ANKS1A: variants seen among roughly 807,000 people sequenced by gnomAD.
The protein encoded by ANKS1A is ankyrin repeat and sterile alpha motif domain containing 1A, also known as ankyrin repeat and SAM domain-containing protein 1A.
In ANKS1A, 55 loss-of-function variants were observed where a neutral mutation model predicts 120.3. The observed-to-expected ratio is 0.46, with a 90% CI of 0.37 to 0.57. The LOEUF (loss-of-function observed/expected upper bound fraction) is 0.57. ANKS1A is among the 20% of genes least tolerant of loss of function. The pLI, the probability that ANKS1A is intolerant of heterozygous loss-of-function variation, is 0.00. For synonymous variants in ANKS1A, 590 were observed against 604.7 expected, an observed-to-expected ratio of 0.98 and a Z score of 0.36; for missense variants, 1,123 against 1,480.3, an observed-to-expected ratio of 0.76 and a Z score of 3.96.
intron 1 of ANKS1A, among the ~76,000 whole-genome samples, chr6:34,914,710 T>A (rs770129215): frequency 6.6e-6 from 1 of 152,206 alleles, no homozygotes; most frequent in African/African-American, 2.4e-5. Flanking sequence ...CTTCCTGTGT[T>A]ATTGATTCTT....
At chr6:35,064,885 CAGG>C (rs1169187441) in intron 13 of ANKS1A, among the ~76,000 whole-genome samples, 1 of 151,792 alleles carries the variant, frequency 6.6e-6, no homozygotes, top group African/African-American at 2.4e-5. Context: ...GAGCCTTAAA[CAGG>C]AGGATCAGTG....
intron 1 of ANKS1A, among the ~76,000 whole-genome samples, chr6:34,909,672 G>C (rs1767814138): frequency 1.3e-5 from 2 of 152,182 alleles, no homozygotes; most frequent in Admixed American, 6.5e-5. Flanking sequence ...CTTCTGATGG[G>C]GGAGATAGAG....
chr6:35,000,204 G>A (rs184895293), intron 10 of ANKS1A, among the ~76,000 whole-genome samples: 266 of 150,666 alleles, frequency 1.8e-3, no homozygotes, highest in African/African-American at 6.2e-3. Flanking sequence ...GTAACCCGCA[G>A]ATGGCCCAGA....
Position 34,982,493 on chromosome 6 carries a change from C to T in ANKS1A, c.733-259C>T, listed in dbSNP as rs539050475. ...CACCCAGGAAGGTGGAGTTCTGAGG[C>T]ATTTCACCAGTAGATGGCTCTAAGA... On this transcript the variant is annotated intron_variant, in intron 4 of 23. Transcript: ENST00000360359. This position sits in a 1 kb window ranked among gnomAD's most constrained non-coding sequence, Gnocchi z 4.9. Among the ~76,000 whole-genome samples, 2 of 152,314 alleles carry T rather than the reference C, an allele frequency of 1.3e-5. No homozygotes were observed. The highest frequency in any genetic ancestry group is 2.1e-4 in the South Asian group (1 of 4,826).
Position 35,076,817 on chromosome 6 carries a change from G to C in ANKS1A, c.2185-1741G>C, listed in dbSNP as rs192185951. Among the ~76,000 whole-genome samples, 453 of 152,150 alleles carry C rather than the reference G, an allele frequency of 3.0e-3. 1 individual carries two copies. The highest frequency in any genetic ancestry group is 9.8e-3 in the African/African-American group (408 of 41,514). On this transcript the variant is annotated intron_variant, in intron 13 of 23. Coordinates refer to ENST00000360359, the MANE Select transcript of ANKS1A (RefSeq NM_015245.3). ...GCTAATTTTTTGTATTTTTAGTAGAGACAGGTTTCACAATGCTGGCCAGGC... is the reference window on the plus strand; with the variant it reads ...GCTAATTTTTTGTATTTTTAGTAGACACAGGTTTCACAATGCTGGCCAGGC...
rs76701022 is a variant in ANKS1A, at chr6:34,926,040, G to A, written c.197+36441G>A. ...TTAGGAAGTAAAACTAGAGGAGGCT[G>A]TAAAAGGCTCAGGTCTTGTTATATG... On this transcript the variant is annotated intron_variant, in intron 1 of 23. Coordinates refer to ENST00000360359, the MANE Select transcript of ANKS1A (RefSeq NM_015245.3). 1.8e-3 allele frequency among the ~76,000 whole-genome samples: 269 copies of A among 152,326 alleles called. 10 individuals carry two copies. The East Asian group carries it at 0.043, about 24-fold the overall frequency.
chr6:34,938,885 G>A (rs181872073), intron 1 of ANKS1A, among the ~76,000 whole-genome samples: 4 of 152,316 alleles, frequency 2.6e-5, no homozygotes, highest in Admixed American at 6.5e-5. Context: ...CTACGCGGAC[G>A]GCTGAGGCAG....
chr6:35,061,890 C>G (rs868223446), intron 13 of ANKS1A, among the ~76,000 whole-genome samples: 2 of 152,188 alleles, frequency 1.3e-5, no homozygotes, highest in Non-Finnish European at 2.9e-5. Context: ...TCTCAACTCA[C>G]CCCTTCCTCA....
At chr6:35,059,248 C>T (rs1776358072) in intron 12 of ANKS1A, among the ~76,000 whole-genome samples, 2 of 152,246 alleles carry the variant, frequency 1.3e-5, no homozygotes, top group Admixed American at 1.3e-4. Context: ...CAGGAGACGC[C>T]CTGCTTGCCA....
chr6:35,070,803 C>G, intron 13 of ANKS1A: 1 of 470,914 alleles, frequency 2.1e-6, no homozygotes, highest in Non-Finnish European at 4.0e-6. Context: ...TTATCTTAAC[C>G]CAGACACCCC....
Position 35,017,692 on chromosome 6 carries a change from G to A in ANKS1A, c.1643G>A (p.Gly548Asp). The A allele has an allele frequency of 6.2e-7, 1 of 1,614,028 alleles. No individual in the cohort carries two copies. Among genetic ancestry groups the A allele is most frequent in the South Asian group, 1.1e-5 (1 of 91,088 alleles). ...GCCAGCATGCAGCTGGAGGAGACGG[G>A]TGTGCATGCTCCTGGAGCCTCCCAG... is the stretch of plus-strand genomic sequence containing the variant. ...HKASMQLEET[G>D]VHAPGASQPS... Residue 548 changes from glycine (G) to aspartate (D), a missense_variant, in exon 11 of 24, where the codon GGT becomes GAT. Physicochemically the swap from Gly to Asp is moderately conservative, Grantham distance 94 (BLOSUM62 -1). Coordinates refer to ENST00000360359, the MANE Select transcript of ANKS1A (RefSeq NM_015245.3).
chr6:35,028,833 G>A (rs1774758202), intron 11 of ANKS1A, among the ~76,000 whole-genome samples: 2 of 152,046 alleles, frequency 1.3e-5, no homozygotes, highest in South Asian at 2.1e-4. Flanking sequence ...GTTTCTTGTA[G>A]GTGGACATTC....
intron 11 of ANKS1A, among the ~76,000 whole-genome samples, chr6:35,036,606 G>T (rs1401368725): frequency 6.6e-6 from 1 of 151,864 alleles, no homozygotes; most frequent in Non-Finnish European, 1.5e-5. Context: ...ACTTTTTTTT[G>T]GTTTAAACTG....
intron 11 of ANKS1A, chr6:35,038,366 C>T: frequency 6.6e-6 from 3 of 454,874 alleles, no homozygotes; most frequent in South Asian, 3.1e-5. Flanking sequence ...GACCGGTCCA[C>T]GATGAAAGGA....
chr6:34,950,222 CTT>C (rs747865614), intron 1 of ANKS1A, among the ~76,000 whole-genome samples: 33 of 97,530 alleles, frequency 3.4e-4, no homozygotes, highest in African/African-American at 8.4e-4. Flanking sequence ...TCTTTTCTCT[CTT>C]TTTTTTTTTT....
At chr6:34,974,567 T>C (rs1354957493) in intron 3 of ANKS1A, among the ~76,000 whole-genome samples, 1 of 152,062 alleles carries the variant, frequency 6.6e-6, no homozygotes, top group Non-Finnish European at 1.5e-5. Context: ...GTTTTTTGTT[T>C]TGGAAGTAGA....
chr6:34,945,988 T>TTA (rs1769773149), intron 1 of ANKS1A, among the ~76,000 whole-genome samples: 2 of 148,906 alleles, frequency 1.3e-5, no homozygotes, highest in East Asian at 3.9e-4. Flanking sequence ...TATTTATTTT[T>TTA]TTTTTTTTTT....
In ANKS1A at chr6:35,035,690, C is replaced by T. The variant is rs17536964; in HGVS notation, c.2010+17631C>T. Among the ~76,000 whole-genome samples, 644 of 152,336 alleles carry T rather than the reference C, an allele frequency of 4.2e-3. 2 individuals are homozygous for T. Among genetic ancestry groups the T allele is most frequent in the Middle Eastern group, 0.02 (6 of 294 alleles). ...TCAGAGGTTGCCAACCTGGGCGAGT[C>T]GGGAATCAGCCTCACTTCTCAGTTC... On this transcript the variant is annotated intron_variant, in intron 11 of 23. Coordinates refer to ENST00000360359, the MANE Select transcript of ANKS1A (RefSeq NM_015245.3).
At chr6:34,938,490 A>G (rs1410479928) in intron 1 of ANKS1A, among the ~76,000 whole-genome samples, 5 of 152,232 alleles carry the variant, frequency 3.3e-5, no homozygotes, top group Admixed American at 3.3e-4. Flanking sequence ...ACGTGCCACT[A>G]GTGGCCATGG....
Sources: allele counts gnomAD v4.1 joint callset (sites outside exome capture counted in the v4.1 genomes callset), GRCh38; gene constraint gnomAD v4.1.1; non-coding constraint Gnocchi (gnomAD v3.1); transcripts MANE v1.5; gene names NCBI Gene and HGNC (gene_info 2026-07-23, HGNC 2026-07-21).